FOXP2: variants seen among roughly 807,000 people sequenced by gnomAD.
FOXP2 encodes forkhead box P2.
Under a neutral mutation model 115.8 loss-of-function variants are expected in FOXP2, and 12 were observed. That is an observed-to-expected ratio of 0.10 (90% confidence interval 0.07 to 0.17). FOXP2 has a LOEUF of 0.17. Among genes scored for constraint, FOXP2 ranks in the 10% least tolerant of loss-of-function variants. The probability of loss-of-function intolerance (pLI) is 1.00; values close to 1 mark genes in which losing one functional copy is unlikely to be tolerated. For missense variants in FOXP2, 629 were observed against 843.5 expected (o/e 0.75, Z 3.15); for synonymous variants, 328 against 297.7 (o/e 1.10, Z -1.05).
intron 2 of FOXP2, among the ~76,000 whole-genome samples, chr7:114,360,305 A>G (rs538180242): frequency 9.2e-5 from 14 of 152,212 alleles, no homozygotes; most frequent in African/African-American, 3.4e-4. Context: ...TTTATAGATT[A>G]CCCAGTCTCA....
chr7:114,440,545 G>T (rs546198515), intron 2 of FOXP2, among the ~76,000 whole-genome samples: 1 of 152,228 alleles, frequency 6.6e-6, no homozygotes, highest in African/African-American at 2.4e-5. Context: ...TAGATATTTT[G>T]TATGATGGAG....
rs547478384 is a variant in FOXP2 at position 114,429,010 on chromosome 7, T to A, written c.168+2331T>A. Among the ~76,000 whole-genome samples the A allele has an allele frequency of 1.9e-4, 29 of 151,656 alleles. 1 individual carries two copies. In the South Asian group the frequency reaches 6.0e-3, roughly 31 times the overall value. On this transcript the variant is annotated intron_variant, in intron 2 of 16. Transcript: ENST00000350908. ...TTTAGAAATATGATTTAAGAGGCAGTGATGTAAACAAAGTAAAATTTTGTT... is the reference window on the plus strand; with the variant it reads ...TTTAGAAATATGATTTAAGAGGCAGAGATGTAAACAAAGTAAAATTTTGTT...
chr7:114,248,715 G>A (rs1702560112), intron 1 of FOXP2, among the ~76,000 whole-genome samples: 1 of 152,160 alleles, frequency 6.6e-6, no homozygotes, highest in Non-Finnish European at 1.5e-5. Context: ...TGACCGTTTA[G>A]TAGACTTATT....
Position 114,468,338 on chromosome 7 carries a change from G to A in FOXP2, c.168+41659G>A, listed in dbSNP as rs560807668. 5.9e-5 allele frequency among the ~76,000 whole-genome samples: 9 copies of A among 152,238 alleles called. No homozygotes were observed. The South Asian group carries it at 1.9e-3, about 32-fold the overall frequency. On this transcript the variant is annotated intron_variant, in intron 2 of 16. Coordinates refer to ENST00000350908, the MANE Select transcript of FOXP2 (RefSeq NM_014491.4). Reference sequence around the variant, plus strand: ...TGTGTGTGTGTGTGCATGTGTGTATGTGTATGTGTGTGTAATGCAGTTATT... The same window carrying A: ...TGTGTGTGTGTGTGCATGTGTGTATATGTATGTGTGTGTAATGCAGTTATT...
chr7:114,683,829 A>G (rs1430196800), intron 16 of FOXP2, among the ~76,000 whole-genome samples: 1 of 152,186 alleles, frequency 6.6e-6, no homozygotes, highest in Non-Finnish European at 1.5e-5. Context: ...TATTATTCAG[A>G]AATATTGTTG....
chr7:114,438,375 A>G (rs1285970074), intron 2 of FOXP2, among the ~76,000 whole-genome samples: 2 of 152,176 alleles, frequency 1.3e-5, no homozygotes, highest in Non-Finnish European at 2.9e-5. Flanking sequence ...ACTGATACAC[A>G]TCACCCATCA....
chr7:114,378,359 G>A (rs990569893), intron 2 of FOXP2, among the ~76,000 whole-genome samples: 11 of 151,982 alleles, frequency 7.2e-5, no homozygotes, highest in South Asian at 2.1e-4. Flanking sequence ...TAATTCTTTC[G>A]GAATTGGACT....
intron 3 of FOXP2, among the ~76,000 whole-genome samples, chr7:114,604,250 T>G (rs1368641989): frequency 6.6e-6 from 1 of 152,116 alleles, no homozygotes; most frequent in Non-Finnish European, 1.5e-5. Flanking sequence ...GCCTTTTTTA[T>G]GAGGACACGA....
intron 6 of FOXP2, among the ~76,000 whole-genome samples, chr7:114,632,238 C>T (rs890241679): frequency 2.0e-5 from 3 of 152,156 alleles, no homozygotes; most frequent in African/African-American, 7.2e-5. Flanking sequence ...ATTCTTTTTT[C>T]TCTCAAATAA....
chr7:114,386,035 G>C (rs2894697), intron 2 of FOXP2, among the ~76,000 whole-genome samples: 65,452 of 152,240 alleles, frequency 0.43, 16,132 homozygotes, highest in East Asian at 0.63. Flanking sequence ...GGCACTTAAC[G>C]TTGCAGGAAC....
At chr7:114,171,244 G>A (rs1793129840) in intron 1 of FOXP2, among the ~76,000 whole-genome samples, 1 of 152,102 alleles carries the variant, frequency 6.6e-6, no homozygotes, top group African/African-American at 2.4e-5. Context: ...CTCCTGCTCA[G>A]GAAAAAAGTT....
At chr7:114,323,167 A>G (rs897177354) in intron 2 of FOXP2, among the ~76,000 whole-genome samples, 1 of 152,126 alleles carries the variant, frequency 6.6e-6, no homozygotes, top group Non-Finnish European at 1.5e-5. Flanking sequence ...ATGAATTTAA[A>G]CACATCAGAG....
At chr7:114,645,988 T>C (rs1805859407) in intron 8 of FOXP2, among the ~76,000 whole-genome samples, 1 of 147,178 alleles carries the variant, frequency 6.8e-6, no homozygotes, top group African/African-American at 2.5e-5. Context: ...GCCATTTCCT[T>C]GGGTATGAAA....
chr7:114,555,550 A>T (rs917391417), intron 3 of FOXP2, among the ~76,000 whole-genome samples: 64 of 152,178 alleles, frequency 4.2e-4, no homozygotes, highest in African/African-American at 1.5e-3. Flanking sequence ...TAATCTCAGC[A>T]CTTTGGGAGA....
intron 3 of FOXP2, 58 bp downstream of exon 3, chr7:114,534,764 C>G (rs1799298703): frequency 7.6e-7 from 1 of 1,316,046 alleles, no homozygotes; most frequent in East Asian, 2.3e-5. Context: ...ATAATGATAA[C>G]AGATGTGCAG....
intron 2 of FOXP2, among the ~76,000 whole-genome samples, chr7:114,352,607 A>G (rs1791520094): frequency 6.6e-6 from 1 of 152,306 alleles, no homozygotes; most frequent in African/African-American, 2.4e-5. Context: ...AAGTGTTGGC[A>G]GGGTTGGCTC....
At chr7:114,514,422 C>T (rs968777936) in intron 2 of FOXP2, among the ~76,000 whole-genome samples, 2 of 151,868 alleles carry the variant, frequency 1.3e-5, no homozygotes, top group African/African-American at 4.8e-5. Context: ...AATCCCTTAT[C>T]CCCCTAGCCT....
chr7:114,145,787 G>A (rs571285332), intron 1 of FOXP2, among the ~76,000 whole-genome samples: 3 of 152,208 alleles, frequency 2.0e-5, no homozygotes, highest in East Asian at 3.9e-4. Flanking sequence ...AGTTGTTAAA[G>A]TGATGAGATT....
At chr7:114,620,436 C>G (rs563185173) in intron 3 of FOXP2, among the ~76,000 whole-genome samples, 1 of 152,142 alleles carries the variant, frequency 6.6e-6, no homozygotes, top group African/African-American at 2.4e-5. Flanking sequence ...ATTCACTGAG[C>G]TGCTTGAAGC....
Sources: gnomAD v4.1 joint callset for allele counts (sites outside exome capture counted in the v4.1 genomes callset) on GRCh38, gnomAD v4.1.1 for gene constraint, MANE v1.5 for transcripts, NCBI Gene and HGNC (gene_info 2026-07-23, HGNC 2026-07-21) for gene names.